Variants in RBPJ observed in about 807,000 individuals in gnomAD.
RBPJ encodes recombination signal binding protein for immunoglobulin kappa J region.
Under a neutral mutation model 67.8 loss-of-function variants are expected in RBPJ, and 9 were observed. The observed-to-expected ratio is 0.13, with a 90% CI of 0.08 to 0.23. The LOEUF (loss-of-function observed/expected upper bound fraction) is 0.23. Among genes scored for constraint, RBPJ ranks in the 10% least tolerant of loss-of-function variants. The probability of loss-of-function intolerance (pLI) is 1.00; values close to 1 mark genes in which losing one functional copy is unlikely to be tolerated. For synonymous variants in RBPJ, 198 were observed against 203.3 expected, an observed-to-expected ratio of 0.97 and a Z score of 0.22; for missense variants, 305 against 595.6, an observed-to-expected ratio of 0.51 and a Z score of 5.08.
intron 2 of RBPJ, among the ~76,000 whole-genome samples, chr4:26,386,927 C>T (rs1463839537): frequency 1.3e-5 from 2 of 151,996 alleles, no homozygotes; most frequent in Non-Finnish European, 2.9e-5. Context: ...GTTCTATGGC[C>T]ATGTCCTAGA....
chr4:26,230,980 C>T (rs1393813199), intron 1 of RBPJ, among the ~76,000 whole-genome samples: 1 of 152,178 alleles, frequency 6.6e-6, no homozygotes, highest in South Asian at 2.1e-4. Flanking sequence ...AACCCCTCCC[C>T]CAGGCTCTCT....
chr4:26,162,402 G>C (rs1716107113), upstream of RBPJ, among the ~76,000 whole-genome samples: 1 of 152,254 alleles, frequency 6.6e-6, no homozygotes, highest in Non-Finnish European at 1.5e-5. Flanking sequence ...CTTAAGAGAA[G>C]CTAGAAAGGG....
chr4:26,334,982 A>G (rs576741204), intron 1 of RBPJ, among the ~76,000 whole-genome samples: 62 of 152,200 alleles, frequency 4.1e-4, no homozygotes, highest in Non-Finnish European at 7.6e-4. Flanking sequence ...AAAAATTCCT[A>G]CTGGTTGTTC....
chr4:26,215,095 G>T (rs1453892840), intron 1 of RBPJ, among the ~76,000 whole-genome samples: 2 of 39,102 alleles, frequency 5.1e-5, no homozygotes, highest in Non-Finnish European at 8.1e-5. Flanking sequence ...AAGACAGAAA[G>T]AGAAAGAAAG....
At chr4:26,411,969 G>A (rs912767684) in intron 3 of RBPJ, among the ~76,000 whole-genome samples, 3 of 150,800 alleles carry the variant, frequency 2.0e-5, no homozygotes, top group African/African-American at 7.3e-5. Flanking sequence ...AAAAAAATTA[G>A]CCAGGCGTGG....
chr4:26,182,674 T>G (rs1717052628), intron 1 of RBPJ, among the ~76,000 whole-genome samples: 1 of 151,866 alleles, frequency 6.6e-6, no homozygotes, highest in South Asian at 2.1e-4. Context: ...TTTAATTTTT[T>G]TTTTGTAGAG....
In RBPJ at chr4:26,301,554, T is replaced by C. The variant is rs937205531; in HGVS notation, c.-166-60892T>C. Among the ~76,000 whole-genome samples the C allele has an allele frequency of 1.7e-3, 247 of 149,018 alleles. 1 individual carries two copies. The highest frequency in any genetic ancestry group is 5.7e-3 in the African/African-American group (232 of 40,506). On this transcript the variant is annotated intron_variant, in intron 1 of 4. Transcript: ENST00000512351. ...TTGCAGTGAGCCAAAATGGCGCCAC[T>C]GCACTCCAGCCTGGGTGACAGAGCG... is the stretch of plus-strand genomic sequence containing the variant.
At chr4:26,388,648 A>G in intron 2 of RBPJ, among the ~76,000 whole-genome samples, 1 of 152,172 alleles carries the variant, frequency 6.6e-6, no homozygotes, top group Non-Finnish European at 1.5e-5. Flanking sequence ...TCTAAAGATG[A>G]AAAGTTTAAT....
At chr4:26,340,608 C>G (rs1725408180) in intron 1 of RBPJ, among the ~76,000 whole-genome samples, 2 of 152,018 alleles carry the variant, frequency 1.3e-5, no homozygotes, top group Non-Finnish European at 2.9e-5. Flanking sequence ...GCCTGTAATC[C>G]CAGCACTTTG....
the RBPJ span, among the ~76,000 whole-genome samples, chr4:26,139,987 A>T: frequency 1.3e-5 from 2 of 152,280 alleles, no homozygotes; most frequent in East Asian, 1.9e-4. Flanking sequence ...ACCCCTGATG[A>T]TGGCTGCCTT....
chr4:26,344,471 G>A (rs909036207), intron 1 of RBPJ, among the ~76,000 whole-genome samples: 25 of 151,322 alleles, frequency 1.7e-4, no homozygotes, highest in Non-Finnish European at 2.4e-4. Context: ...TCCTGACCTC[G>A]TGATCCCCCC....
At chr4:26,167,885 G>T (rs1364840380) in intron 1 of RBPJ, among the ~76,000 whole-genome samples, 1 of 152,114 alleles carries the variant, frequency 6.6e-6, no homozygotes, top group Non-Finnish European at 1.5e-5. Context: ...TTAGAGACTA[G>T]GATTGCAACC....
In RBPJ at chr4:26,178,181, C is replaced by T. The variant is rs143520805; in HGVS notation, c.-167+14567C>T. ...TAATATAAAGTGGCATCTGATCTGA[C>T]CCAAAGATATATCTTAGGTTTTCTG... On this transcript the variant is annotated intron_variant, in intron 1 of 4. Transcript: ENST00000512351. 1.0e-3 allele frequency among the ~76,000 whole-genome samples: 153 copies of T among 152,280 alleles called. 1 individual carries two copies. The highest frequency in any genetic ancestry group is 3.4e-3 in the African/African-American group (143 of 41,556).
intron 1 of RBPJ, among the ~76,000 whole-genome samples, chr4:26,244,328 CAT>C (rs374842549): frequency 6.3e-5 from 6 of 95,244 alleles, no homozygotes; most frequent in African/African-American, 2.3e-4. Context: ...TATGTATACA[CAT>C]ATGTGTACAC....
At chr4:26,116,079 A>T in the RBPJ span, among the ~76,000 whole-genome samples, 1 of 152,236 alleles carries the variant, frequency 6.6e-6, no homozygotes, top group Admixed American at 6.5e-5. Flanking sequence ...TCATGTTCTC[A>T]TTCAATAAAA....
rs375354766 is a variant in RBPJ, at chr4:26,341,307, CAT to C, written c.20+20260_20+20261del. On this transcript the variant is annotated intron_variant, in intron 1 of 10. Transcript: ENST00000355476. ...AGAAGGGAGTGATCCAGTCAGATAACATGTGGTAAAAGACAGCTGACCACTGG... is the reference window on the plus strand; with the variant it reads ...AGAAGGGAGTGATCCAGTCAGATAACGTGGTAAAAGACAGCTGACCACTGG... Among the ~76,000 whole-genome samples, 1,145 of 152,144 alleles carry C rather than the reference CAT, an allele frequency of 7.5e-3. 9 individuals are homozygous for C. The highest frequency in any genetic ancestry group is 0.058 in the Middle Eastern group (17 of 294).
At chr4:26,130,747 A>G in the RBPJ span, among the ~76,000 whole-genome samples, 1 of 152,180 alleles carries the variant, frequency 6.6e-6, no homozygotes, top group African/African-American at 2.4e-5. Context: ...GATGTGAATT[A>G]TGTTTCTTTT....
Position 26,430,334 on chromosome 4 carries a change from A to C in RBPJ, c.1045-85A>C. On this transcript the variant is annotated intron_variant, in intron 9 of 10. Transcript: ENST00000355476. The surrounding 1 kb of genome is among the most constrained non-coding windows in gnomAD (Gnocchi z 4.1). ...AATTGCCCTTTTTTAAAAAAAACAA[A>C]TGAAAGTTGAATGAGAATCTAATTT... 8.4e-7 allele frequency: 1 copy of C among 1,184,946 alleles called. No individual in the cohort carries two copies. The highest frequency in any genetic ancestry group is 2.4e-5 in the East Asian group (1 of 42,218). The allele number at this position is 1,184,946 out of a possible 1,614,324, so 73.4% of individuals were successfully genotyped here. A position where few individuals can be genotyped will look rare whatever the true frequency, so the allele number is the denominator to read the frequency against.
upstream of RBPJ, among the ~76,000 whole-genome samples, chr4:26,317,128 A>T (rs1179916714): frequency 6.6e-6 from 1 of 151,698 alleles, no homozygotes; most frequent in Non-Finnish European, 1.5e-5. Flanking sequence ...AAGGAGGCAG[A>T]TAGTAAACAC....
Sources: gnomAD v4.1 joint callset for allele counts (sites outside exome capture counted in the v4.1 genomes callset) on GRCh38, gnomAD v4.1.1 for gene constraint, Gnocchi (gnomAD v3.1) non-coding constraint, MANE v1.5 for transcripts, NCBI Gene and HGNC (gene_info 2026-07-23, HGNC 2026-07-21) for gene names.